Variants in FOCAD observed in about 807,000 individuals in gnomAD.
FOCAD encodes the protein focadhesin, also known as KIAA1797.
In FOCAD, 198 loss-of-function variants were observed where a neutral mutation model predicts 225.6. That is an observed-to-expected ratio of 0.88 (90% confidence interval 0.78 to 0.99). The LOEUF (loss-of-function observed/expected upper bound fraction) is 0.99. Ranked by LOEUF, FOCAD falls within the 50% of genes least tolerant of loss-of-function variation. FOCAD has a pLI of 0.00. For synonymous variants in FOCAD, 897 were observed against 755.0 expected (o/e 1.19, Z -3.08); for missense variants, 2,713 against 2,123.6 (o/e 1.28, Z -5.46).
At chr9:20,853,534 G>A (rs1187741219) in intron 15 of FOCAD, among the ~76,000 whole-genome samples, 1 of 151,740 alleles carries the variant, frequency 6.6e-6, no homozygotes, top group East Asian at 1.9e-4. Context: ...GTTACGGGTT[G>A]TTAATATGAG....
At chr9:20,759,885 C>G (rs1162481111) in intron 6 of FOCAD, among the ~76,000 whole-genome samples, 4 of 152,180 alleles carry the variant, frequency 2.6e-5, no homozygotes, top group Non-Finnish European at 1.5e-5. Context: ...GTTAGTCTCT[C>G]CATTAGAAAA....
At chr9:20,788,945 G>T (rs1457229707) in intron 10 of FOCAD, among the ~76,000 whole-genome samples, 2 of 151,726 alleles carry the variant, frequency 1.3e-5, no homozygotes, top group South Asian at 4.2e-4. Context: ...ATCTGCCCCA[G>T]ACTGCTTCTG....
chr9:20,757,865 T>G (rs1029375182), intron 5 of FOCAD, among the ~76,000 whole-genome samples: 2 of 152,186 alleles, frequency 1.3e-5, no homozygotes. Flanking sequence ...GAGGCTCCTG[T>G]GTCCATTTTG....
intron 5 of FOCAD, among the ~76,000 whole-genome samples, chr9:20,743,550 C>A (rs945733160): frequency 1.3e-5 from 2 of 152,036 alleles, no homozygotes; most frequent in African/African-American, 2.4e-5. Context: ...TCCCTTAGCC[C>A]CTCTGAATTT....
At chr9:20,805,337 G>T (rs930945160) in intron 11 of FOCAD, among the ~76,000 whole-genome samples, 1 of 152,042 alleles carries the variant, frequency 6.6e-6, no homozygotes, top group African/African-American at 2.4e-5. Context: ...TATTCAAGTG[G>T]GAACCAGAGT....
At chr9:20,866,744 T>G (rs545016607) in intron 17 of FOCAD, among the ~76,000 whole-genome samples, 185 bp from the exon 18 acceptor site, 4 of 152,004 alleles carry the variant, frequency 2.6e-5, no homozygotes, top group Admixed American at 2.0e-4. Context: ...CTTTTGAAAT[T>G]GCTAGTAAAT....
chr9:20,926,783 CAA>C (rs34902651), intron 26 of FOCAD, among the ~76,000 whole-genome samples: 2 of 110,942 alleles, frequency 1.8e-5, no homozygotes, highest in Admixed American at 9.7e-5. Context: ...AACTGTGTCT[CAA>C]AAAAAAAAAA....
At chr9:20,869,235 A>T (rs574341380) in intron 18 of FOCAD, among the ~76,000 whole-genome samples, 4 of 152,230 alleles carry the variant, frequency 2.6e-5, no homozygotes, top group Admixed American at 6.5e-5. Context: ...CACAAGACTT[A>T]AGGTTACCTA....
chr9:20,663,314 T>G (rs1043901566), intron 2 of FOCAD, among the ~76,000 whole-genome samples: 4 of 152,096 alleles, frequency 2.6e-5, no homozygotes, highest in African/African-American at 9.7e-5. Context: ...GCTGTGATCA[T>G]GCACTGCACT....
At chr9:20,873,971 G>A (rs1465217454) in intron 18 of FOCAD, 3 of 152,086 alleles carry the variant, frequency 2.0e-5, no homozygotes, top group East Asian at 1.9e-4. Flanking sequence ...TATTAAAAAT[G>A]TAATTAATTG....
At chr9:20,959,560 G>C (rs1256188405) in intron 35 of FOCAD, among the ~76,000 whole-genome samples, 1 of 151,778 alleles carries the variant, frequency 6.6e-6, no homozygotes, top group Non-Finnish European at 1.5e-5. Flanking sequence ...ATTTATTTTT[G>C]CTTTTATTTT....
intron 5 of FOCAD, among the ~76,000 whole-genome samples, chr9:20,752,298 C>T (rs1375400153): frequency 6.0e-5 from 9 of 150,590 alleles, no homozygotes; most frequent in Non-Finnish European, 8.9e-5. Flanking sequence ...TTAGGTCTAA[C>T]GTTTAAGTCT....
chr9:20,829,777 TTTTC>T, intron 15 of FOCAD, among the ~76,000 whole-genome samples: 1 of 152,182 alleles, frequency 6.6e-6, no homozygotes, highest in African/African-American at 2.4e-5. Context: ...ACATGTAACA[TTTTC>T]TTTGTTTTTA....
intron 6 of FOCAD, among the ~76,000 whole-genome samples, chr9:20,760,172 T>G (rs1829449372): frequency 1.3e-5 from 2 of 152,212 alleles, no homozygotes; most frequent in Admixed American, 1.3e-4. Flanking sequence ...TCTTACAGTA[T>G]CATTCCCATG....
At chr9:20,690,085 A>C (rs1822885176) in intron 1 of FOCAD, among the ~76,000 whole-genome samples, 1 of 152,210 alleles carries the variant, frequency 6.6e-6, no homozygotes, top group South Asian at 2.1e-4. Context: ...CTGGGCCCAG[A>C]GGTATAGGAA....
At chr9:20,682,927 C>T (rs1822445902), upstream of FOCAD, among the ~76,000 whole-genome samples, 1 of 152,156 alleles carries the variant, frequency 6.6e-6, no homozygotes, top group African/African-American at 2.4e-5. Flanking sequence ...AGGCGCGCAA[C>T]CCCACGCCGG....
intron 4 of FOCAD, among the ~76,000 whole-genome samples, chr9:20,724,040 A>G (rs1826003965): frequency 6.6e-6 from 1 of 152,218 alleles, no homozygotes; most frequent in African/African-American, 2.4e-5. Flanking sequence ...CTAACTGAGC[A>G]AGAACTCACT....
At chr9:20,759,611 A>G (rs1018771686) in intron 6 of FOCAD, among the ~76,000 whole-genome samples, 1 of 152,258 alleles carries the variant, frequency 6.6e-6, no homozygotes, top group Non-Finnish European at 1.5e-5. Flanking sequence ...TAAAAACCGT[A>G]GAAGAAAACC....
intron 28 of FOCAD, among the ~76,000 whole-genome samples, chr9:20,936,760 C>A (rs2132255408): frequency 6.6e-6 from 1 of 152,044 alleles, no homozygotes; most frequent in South Asian, 2.1e-4. Context: ...GAGAAGGAAA[C>A]AAAATTAGGA....
Sources: gnomAD v4.1 joint callset for allele counts (sites outside exome capture counted in the v4.1 genomes callset) on GRCh38, gnomAD v4.1.1 for gene constraint, MANE v1.5 for transcripts, NCBI Gene and HGNC (gene_info 2026-07-23, HGNC 2026-07-21) for gene names.